CDH4: variants seen among roughly 807,000 people sequenced by gnomAD.
CDH4 encodes the protein cadherin 4.
In CDH4, 33 loss-of-function variants were observed where a neutral mutation model predicts 86.0. The observed-to-expected ratio is 0.38, with a 90% CI of 0.29 to 0.51. The LOEUF is 0.51. CDH4 is among the 20% of genes least tolerant of loss of function. CDH4 has a pLI of 0.86. For missense variants in CDH4, 1,114 were observed against 1,307.4 expected, an observed-to-expected ratio of 0.85 and a Z score of 2.28; for synonymous variants, 555 against 549.4, an observed-to-expected ratio of 1.01 and a Z score of -0.14.
chr20:61,874,777 G>C (rs1983947910), intron 7 of CDH4, among the ~76,000 whole-genome samples: 1 of 152,232 alleles, frequency 6.6e-6, no homozygotes, highest in Non-Finnish European at 1.5e-5. Context: ...ACAGAGGCCA[G>C]TGTCATTCCA....
intron 2 of CDH4, among the ~76,000 whole-genome samples, chr20:61,309,253 T>G (rs2084432890): frequency 6.6e-6 from 1 of 152,026 alleles, no homozygotes; most frequent in African/African-American, 2.4e-5. Context: ...CCTGTAGGGG[T>G]GCAGCAGGAG....
intron 3 of CDH4, among the ~76,000 whole-genome samples, chr20:61,769,086 C>A (rs886651392): frequency 3.9e-5 from 6 of 152,156 alleles, no homozygotes; most frequent in Non-Finnish European, 7.4e-5. Context: ...GTGGCTGTGC[C>A]AGAGGCTCCC....
intron 2 of CDH4, among the ~76,000 whole-genome samples, chr20:61,353,799 A>G (rs929953147): frequency 3.2e-4 from 41 of 126,642 alleles, no homozygotes; most frequent in African/African-American, 1.2e-3. Flanking sequence ...ACAGCGCTTC[A>G]TGCCAGAGCC....
In CDH4 at chr20:61,565,379, TCTTGGTGATGGGGTGATGGTGGTGGC is replaced by T. The variant is rs1363403270; in HGVS notation, c.170-178183_170-178158del. Among the ~76,000 whole-genome samples, 146 of 28,272 alleles carry T rather than the reference TCTTGGTGATGGGGTGATGGTGGTGGC, an allele frequency of 5.2e-3. 8 individuals carry two copies. In the African/African-American group the frequency reaches 0.068, roughly 13 times the overall value. 18.5% of individuals were successfully genotyped at this position (28,272 alleles called of 152,430 possible). The stretch of plus-strand genomic sequence containing the variant: ...GATGGGGTGATGGTGGTGGTGGTCC[TCTTGGTGATGGGGTGATGGTGGTGGC>T]GGTGCTCTTGCTATTGTTGTTGCTG... On this transcript the variant is annotated intron_variant, in intron 2 of 15. Transcript: ENST00000614565.
At chr20:61,367,867 CTTTTTTT>C (rs372521090) in intron 2 of CDH4, among the ~76,000 whole-genome samples, 1 of 119,078 alleles carries the variant, frequency 8.4e-6, no homozygotes, top group Non-Finnish European at 1.7e-5. Context: ...TCTCCAGGAT[CTTTTTTT>C]TTTTTTTTTT....
At chr20:61,927,835 T>C (rs2055061110) in intron 11 of CDH4, among the ~76,000 whole-genome samples, 1 of 152,184 alleles carries the variant, frequency 6.6e-6, no homozygotes, top group Non-Finnish European at 1.5e-5. Context: ...GGTGTGGGTG[T>C]GGCCGTGTGC....
In CDH4 at chr20:61,504,933, A is replaced by G. The variant is rs11907929; in HGVS notation, c.170-238630A>G. ...AGAAGTGTCTGGTTTAATGGGGAAA[A>G]TAAAAGATGAAACAGCAAAGTCAGG... On this transcript the variant is annotated intron_variant, in intron 2 of 15. Coordinates refer to ENST00000614565, the MANE Select transcript of CDH4 (RefSeq NM_001794.5). Among the ~76,000 whole-genome samples the G allele has an allele frequency of 1.6e-3, 241 of 152,318 alleles. 1 individual carries two copies. Among genetic ancestry groups the G allele is most frequent in the African/African-American group, 5.7e-3 (238 of 41,574 alleles).
At chr20:61,700,472 G>A (rs1435201579) in intron 2 of CDH4, among the ~76,000 whole-genome samples, 4 of 152,182 alleles carry the variant, frequency 2.6e-5, no homozygotes, top group Non-Finnish European at 4.4e-5. Context: ...TTACTCCAGC[G>A]CATGACAGAA....
At chr20:61,531,575 T>G (rs114198857) in intron 2 of CDH4, among the ~76,000 whole-genome samples, 2 of 151,228 alleles carry the variant, frequency 1.3e-5, no homozygotes, top group Admixed American at 6.6e-5. Context: ...GTGTGGCACA[T>G]GAGGATGTGT....
intron 2 of CDH4, among the ~76,000 whole-genome samples, chr20:61,541,535 T>A (rs1043971389): frequency 1.3e-5 from 2 of 152,230 alleles, no homozygotes; most frequent in African/African-American, 4.8e-5. Flanking sequence ...AATTAGCCGA[T>A]GTCACTACTT....
chr20:61,555,571 G>A (rs1482655835), intron 2 of CDH4, among the ~76,000 whole-genome samples: 1 of 152,142 alleles, frequency 6.6e-6, no homozygotes, highest in Non-Finnish European at 1.5e-5. Flanking sequence ...CTGTCTTTCT[G>A]GTTATGTTCA....
chr20:61,331,569 G>GCCCCGGCCA (rs370459763), intron 2 of CDH4, among the ~76,000 whole-genome samples: 1 of 1,468 alleles, frequency 6.8e-4, no homozygotes, highest in African/African-American at 2.5e-3. Flanking sequence ...CCCACCTCCT[G>GCCCCGGCCA]CCTGACCACC....
intron 2 of CDH4, among the ~76,000 whole-genome samples, chr20:61,694,817 C>A (rs936154340): frequency 2.0e-5 from 3 of 152,234 alleles, no homozygotes; most frequent in African/African-American, 7.2e-5. Flanking sequence ...ACGGGAGCCA[C>A]CTTCACAAGC....
chr20:61,720,901 G>A (rs2088033505), intron 2 of CDH4, among the ~76,000 whole-genome samples: 1 of 152,134 alleles, frequency 6.6e-6, no homozygotes, highest in Non-Finnish European at 1.5e-5. Context: ...GGCTTCCCTT[G>A]GTCCAGTGAG....
rs576718806 is a variant in CDH4, at chr20:61,510,268, T to G, written c.170-233295T>G. Among the ~76,000 whole-genome samples, 1 of 152,252 alleles carries G rather than the reference T, an allele frequency of 6.6e-6. No homozygotes were observed. Among genetic ancestry groups the G allele is most frequent in the East Asian group, 1.9e-4 (1 of 5,180 alleles). ...ACCCATGAGAATGTTACTTGGTGTG[T>G]GCTTTGTGTTTTGGGGGGGCCAGGA... On this transcript the variant is annotated intron_variant, in intron 2 of 15. Transcript: ENST00000614565. The surrounding 1 kb of genome is among the most constrained non-coding windows in gnomAD (Gnocchi z 4.2).
chr20:61,526,820 A>G (rs1028376738), intron 2 of CDH4, among the ~76,000 whole-genome samples: 3 of 152,204 alleles, frequency 2.0e-5, no homozygotes, highest in East Asian at 1.9e-4. Flanking sequence ...ACAGTCTTAC[A>G]TCAAGTTAAA....
At chr20:61,255,526 A>G (rs146053450) in intron 2 of CDH4, among the ~76,000 whole-genome samples, 3 of 152,360 alleles carry the variant, frequency 2.0e-5, no homozygotes, top group African/African-American at 7.2e-5. Flanking sequence ...CCCTTTCAAG[A>G]CAAACTAATT....
chr20:61,726,815 C>G (rs200125863), intron 2 of CDH4, among the ~76,000 whole-genome samples: 4 of 14,190 alleles, frequency 2.8e-4, no homozygotes, highest in African/African-American at 1.4e-3. Context: ...ATCACCATTG[C>G]TGCCATCATC....
At chr20:61,705,036 C>T (rs1251624902) in intron 2 of CDH4, among the ~76,000 whole-genome samples, 1 of 152,174 alleles carries the variant, frequency 6.6e-6, no homozygotes, top group Non-Finnish European at 1.5e-5. Context: ...TCAAAGGTCC[C>T]CTGAGCACAC....
Sources: allele counts gnomAD v4.1 joint callset (sites outside exome capture counted in the v4.1 genomes callset), GRCh38; gene constraint gnomAD v4.1.1; non-coding constraint Gnocchi (gnomAD v3.1); transcripts MANE v1.5; gene names NCBI Gene and HGNC (gene_info 2026-07-23, HGNC 2026-07-21).